The following DLEC1 variants were observed in gnomAD, a reference collection of about 807,000 sequenced individuals.
DLEC1 encodes deleted in lung and esophageal cancer protein 1.
In DLEC1, 146 loss-of-function variants were observed where a neutral mutation model predicts 198.1. That is an observed-to-expected ratio of 0.74 (90% CI 0.64 to 0.85). DLEC1 has a LOEUF of 0.85. Among genes scored for constraint, DLEC1 ranks in the 40% least tolerant of loss-of-function variants. The probability of loss-of-function intolerance (pLI) is 0.00; values close to 1 mark genes in which losing one functional copy is unlikely to be tolerated. For synonymous variants in DLEC1, 897 were observed against 866.8 expected (o/e 1.03, Z -0.61); for missense variants, 2,233 against 2,220.0 (o/e 1.01, Z -0.12).
intron 34 of DLEC1, among the ~76,000 whole-genome samples, 158 bp downstream of exon 34, chr3:38,120,767 CAG>C (rs1274580920): frequency 2.0e-5 from 3 of 152,190 alleles, no homozygotes; most frequent in Admixed American, 6.5e-5. Flanking sequence ...GCCCTGTGTG[CAG>C]AGAGATGAGG....
chr3:38,077,248 G>A (rs1697676632), intron 6 of DLEC1, among the ~76,000 whole-genome samples: 1 of 152,234 alleles, frequency 6.6e-6, no homozygotes, highest in Admixed American at 6.5e-5. Flanking sequence ...AGCAGGGCAT[G>A]TATGAGTAGT....
At chr3:38,093,540 A>G in intron 11 of DLEC1, 65 bp from the exon 12 acceptor site, 1 of 1,591,326 alleles carries the variant, frequency 6.3e-7, no homozygotes. Flanking sequence ...TGGGTCCTGC[A>G]GCAGCCTTGG....
intron 10 of DLEC1, among the ~76,000 whole-genome samples, chr3:38,090,608 G>A (rs1698693919): frequency 6.6e-6 from 1 of 152,212 alleles, no homozygotes; most frequent in Admixed American, 6.5e-5. Flanking sequence ...GTCCAAGGAT[G>A]AGTCTACCCA....
At chr3:38,084,377 G>GGTTGTGGTAGTAGTA in intron 7 of DLEC1, 132 bp downstream of exon 7, 1 of 564,020 alleles carries the variant, frequency 1.8e-6, no homozygotes, top group Non-Finnish European at 2.7e-6. Context: ...TAGTAGTGAT[G>GGTTGTGGTAGTAGTA]GTGGTAGTAG....
At chr3:38,051,691 G>T in intron 2 of DLEC1, 1 of 215,178 alleles carries the variant, frequency 4.6e-6, no homozygotes. Context: ...AGAATATAAT[G>T]TTTACAGTAC....
Position 38,122,735 on chromosome 3 carries a change from A to G in DLEC1, c.*323A>G, listed in dbSNP as rs564190520. The G allele has an allele frequency of 2.3e-3, 3,063 of 1,314,222 alleles. 15 individuals are homozygous for G. The highest frequency in any genetic ancestry group is 4.1e-3 in the Middle Eastern group (15 of 3,654). The allele number at this position is 1,314,222 out of a possible 1,614,324, so 81.4% of individuals were successfully genotyped here. A position where few individuals can be genotyped will look rare whatever the true frequency, so the allele number is the denominator to read the frequency against. On this transcript the variant is annotated 3_prime_UTR_variant, in exon 37 of 37. Transcript: ENST00000308059. ...TAAGATAAATTCATGCACTTTTACT[A>G]TGCCCATTGCACTTCTCATCCATGG...
intron 6 of DLEC1, among the ~76,000 whole-genome samples, chr3:38,065,064 A>C (rs1033898145): frequency 3.3e-5 from 5 of 152,232 alleles, no homozygotes; most frequent in African/African-American, 1.2e-4. Context: ...GCACTGAGTG[A>C]GCGAGACTCC....
In DLEC1 at chr3:38,112,182, A is replaced by G. The variant is rs761132380; in HGVS notation, c.3515-28A>G. On this transcript the variant is annotated intron_variant, in intron 24 of 36. Coordinates refer to ENST00000308059, the MANE Select transcript of DLEC1 (RefSeq NM_007335.4). This position sits in a 1 kb window ranked among gnomAD's most constrained non-coding sequence, Gnocchi z 4.8. ...CTCACTCCCAACCCCAGGCCCGTGA[A>G]TCCCCCACAGTCGCGGTTCTTTCCC... is the stretch of plus-strand genomic sequence containing the variant. The G allele has an allele frequency of 6.2e-7, 1 of 1,613,790 alleles. No homozygotes were observed. The highest frequency in any genetic ancestry group is 1.1e-5 in the South Asian group (1 of 91,054).
intron 2 of DLEC1, among the ~76,000 whole-genome samples, chr3:38,054,490 G>C (rs549678177): frequency 6.6e-6 from 1 of 152,188 alleles, no homozygotes; most frequent in South Asian, 2.1e-4. Flanking sequence ...TGCTGGCACA[G>C]GTTTCCCAGG....
At chr3:38,043,995 A>T (rs1700772349) in intron 1 of DLEC1, among the ~76,000 whole-genome samples, 1 of 152,138 alleles carries the variant, frequency 6.6e-6, no homozygotes, top group African/African-American at 2.4e-5. Flanking sequence ...TTAGCTGGGC[A>T]TGGTGGCTTG....
chr3:38,116,373 G>T, intron 27 of DLEC1, 80 bp from the exon 28 acceptor site: 1 of 1,385,338 alleles, frequency 7.2e-7, no homozygotes, highest in South Asian at 1.2e-5. Flanking sequence ...ATCTCTGTCT[G>T]GGGGTATGAG....
At chr3:38,064,615 G>A (rs1224472206) in intron 6 of DLEC1, among the ~76,000 whole-genome samples, 1 of 146,842 alleles carries the variant, frequency 6.8e-6, no homozygotes, top group African/African-American at 2.5e-5. Flanking sequence ...CCACCTCCCG[G>A]GAAGGGCGGC....
chr3:38,109,708 C>T, intron 22 of DLEC1, 146 bp downstream of exon 22: 1 of 1,347,172 alleles, frequency 7.4e-7, no homozygotes, highest in Non-Finnish European at 1.0e-6. Context: ...TGCGGCCACT[C>T]ACCACTCCTG....
At position 38,116,609 on chromosome 3, in the gene DLEC1, C is replaced by A; in HGVS notation, c.4013C>A (p.Ser1338Tyr). ...CCTGAGGGTGGCTGCCTCCTCTGGT[C>A]CCCAGGCCCCTCCAGTTCATCGGAA... ...DTPEGGCLLWSPGPSSSSEFS... is the reference protein window; with the variant it reads ...DTPEGGCLLWYPGPSSSSEFS... Residue 1338 changes from serine (S) to tyrosine (Y), a missense_variant, in exon 28 of 37, where the codon TCC becomes TAC. Coordinates refer to ENST00000308059, the MANE Select transcript of DLEC1 (RefSeq NM_007335.4). 1 of 1,614,096 alleles carries A rather than the reference C, an allele frequency of 6.2e-7. No homozygotes were observed. The highest frequency in any genetic ancestry group is 2.2e-5 in the East Asian group (1 of 44,882).
chr3:38,049,073 GT>G (rs34325195), intron 2 of DLEC1, among the ~76,000 whole-genome samples: 231 of 148,200 alleles, frequency 1.6e-3, no homozygotes, highest in African/African-American at 4.7e-3. Context: ...AACTATTTGG[GT>G]TTTTTTTTTT....
chr3:38,099,958 TTGGCTCACCAGCTCTCCTC>T (rs1699220294), intron 18 of DLEC1, among the ~76,000 whole-genome samples: 1 of 152,186 alleles, frequency 6.6e-6, no homozygotes, highest in South Asian at 2.1e-4. Flanking sequence ...CCCCCCTAGT[TTGGCTCACCAGCTCTCCTC>T]TGGCTCCCCA....
intron 33 of DLEC1, among the ~76,000 whole-genome samples, chr3:38,118,415 G>A (rs1004790263): frequency 6.6e-5 from 10 of 152,176 alleles, no homozygotes; most frequent in Non-Finnish European, 1.5e-4. Flanking sequence ...TTGTGTCCCA[G>A]CTCAGGTGAG....
intron 15 of DLEC1, 115 bp from the exon 16 acceptor site, chr3:38,097,067 G>A: frequency 9.5e-7 from 1 of 1,052,938 alleles, no homozygotes; most frequent in Middle Eastern, 2.2e-4. Context: ...CCAGGAATTA[G>A]CCGGGAAGTG....
In DLEC1 at chr3:38,085,451, A is replaced by G; in HGVS notation, c.1435+4A>G. 6.8e-6 allele frequency: 11 copies of G among 1,613,504 alleles called. No homozygotes were observed. Among genetic ancestry groups the G allele is most frequent in the Non-Finnish European group, 9.3e-6 (11 of 1,179,848 alleles). On this transcript the variant is annotated splice_donor_region_variant and intron_variant, in intron 8 of 36. Transcript: ENST00000308059. ...AGGCCGCCCCCCGTGCTGACATGTG[A>G]GTGTGCACCGTAGCTTCCCACAGAT...
Sources: allele counts gnomAD v4.1 joint callset (sites outside exome capture counted in the v4.1 genomes callset), GRCh38; gene constraint gnomAD v4.1.1; non-coding constraint Gnocchi (gnomAD v3.1); transcripts MANE v1.5; gene names NCBI Gene and HGNC (gene_info 2026-07-23, HGNC 2026-07-21).